The following LAT2 variants were observed in gnomAD, a reference collection of about 807,000 sequenced individuals.
LAT2 encodes linker for activation of T-cells family member 2.
In LAT2, 23 loss-of-function variants were observed where a neutral mutation model predicts 43.4. The observed-to-expected ratio is 0.53, with a 90% confidence interval of 0.38 to 0.75. The LOEUF (loss-of-function observed/expected upper bound fraction) is 0.75. Among genes scored for constraint, LAT2 ranks in the 30% least tolerant of loss-of-function variants. The probability of loss-of-function intolerance (pLI) is 0.00; values close to 1 mark genes in which losing one functional copy is unlikely to be tolerated. For synonymous variants in LAT2, 128 were observed against 123.2 expected (o/e 1.04, Z -0.26); for missense variants, 284 against 310.2 (o/e 0.92, Z 0.64).
intron 1 of LAT2, among the ~76,000 whole-genome samples, chr7:74,211,497 C>T (rs1478854886): frequency 1.3e-5 from 2 of 151,902 alleles, no homozygotes; most frequent in Non-Finnish European, 2.9e-5. Flanking sequence ...TGCTCTGTCT[C>T]CCAGGCTGGG....
intron 1 of LAT2, among the ~76,000 whole-genome samples, chr7:74,210,965 G>A (rs573689915): frequency 6.6e-6 from 1 of 152,174 alleles, no homozygotes; most frequent in African/African-American, 2.4e-5. Flanking sequence ...GGGTGGTCTC[G>A]AGCGTCCTTC....
chr7:74,216,156 CAGAAG>C (rs1324387080), intron 3 of LAT2, 87 bp downstream of exon 3: 2 of 1,150,726 alleles, frequency 1.7e-6, no homozygotes, highest in Admixed American at 2.4e-5. Context: ...TGGCTGTGGT[CAGAAG>C]AGGTGGTCAG....
chr7:74,221,596 GC>G, intron 9 of LAT2, 40 bp from the exon 10 acceptor site: 6 of 1,579,730 alleles, frequency 3.8e-6, no homozygotes, highest in Non-Finnish European at 5.2e-6. Context: ...CCGATCTCCA[GC>G]CTGCCCTGAA....
At position 74,216,857 on chromosome 7, in the gene LAT2, A is replaced by C. The variant is rs782127731; in HGVS notation, c.127A>C (p.Arg43=). The C allele has an allele frequency of 8.1e-6, 13 of 1,613,668 alleles. No homozygotes were observed. The African/African-American group carries it at 1.1e-4, about 13-fold the overall frequency. Residue 43 remains arginine, a synonymous_variant, in exon 4 of 14, where the codon AGA becomes CGA. Transcript: ENST00000460943. The part of the protein sequence containing the change: ...AKRSEKIYQQ[R]SLREDQQSFT... ...GAGGTCAGAGAAAATCTACCAGCAG[A>C]GAAGTCTGTGAGTTGCCTCGATGTC...
intron 13 of LAT2, among the ~76,000 whole-genome samples, chr7:74,228,707 T>A (rs529876975): frequency 6.7e-6 from 1 of 148,208 alleles, no homozygotes; most frequent in South Asian, 2.1e-4. Flanking sequence ...GAGAATGGCG[T>A]GAACCTGAGA....
rs1802064198 is a variant in LAT2, at chr7:74,216,813, C to A, written c.95-12C>A. The A allele has an allele frequency of 6.2e-7, 1 of 1,613,606 alleles. No homozygotes were observed. Among genetic ancestry groups the A allele is most frequent in the Non-Finnish European group, 8.5e-7 (1 of 1,179,622 alleles). On this transcript the variant is annotated splice_polypyrimidine_tract_variant and intron_variant, in intron 3 of 13. Transcript: ENST00000460943. Reference sequence around the variant, plus strand: ...TCCCAGACCCTTTGCTAATCCTGGCCTTTTCTTGCAGGTGCAAAGAGGTCA... The same window carrying A: ...TCCCAGACCCTTTGCTAATCCTGGCATTTTCTTGCAGGTGCAAAGAGGTCA...
intron 1 of LAT2, among the ~76,000 whole-genome samples, chr7:74,213,110 CATT>C (rs573884115): frequency 6.6e-6 from 1 of 151,752 alleles, no homozygotes; most frequent in Admixed American, 6.6e-5. Context: ...GGAGCTCCTC[CATT>C]ATTATTATTA....
chr7:74,213,753 G>T (rs1801825442), intron 1 of LAT2, among the ~76,000 whole-genome samples: 1 of 151,990 alleles, frequency 6.6e-6, no homozygotes, highest in South Asian at 2.1e-4. Flanking sequence ...CCTGTTTACT[G>T]CTCCAAGCCT....
Position 74,219,009 on chromosome 7 carries a change from CTTTTTTTTTTTTTTTTTTTTTT to C in LAT2, c.135-718_135-697del, listed in dbSNP as rs781806954. Among the ~76,000 whole-genome samples, 98 of 48,802 alleles carry C rather than the reference CTTTTTTTTTTTTTTTTTTTTTT, an allele frequency of 2.0e-3. 1 individual carries two copies. Among genetic ancestry groups the C allele is most frequent in the African/African-American group, 3.7e-3 (52 of 13,920 alleles). 32.0% of individuals were successfully genotyped at this position (48,802 alleles called of 152,430 possible). On this transcript the variant is annotated intron_variant, in intron 4 of 13. Coordinates refer to ENST00000460943, the MANE Select transcript of LAT2 (RefSeq NM_032464.3). ...CACCATGCCGGGTCTAGAGTGTGTGCTTTTTTTTTTTTTTTTTTTTTTTTTTTTTTTTTTTTTTGAGACGGAG... is the reference window on the plus strand; with the variant it reads ...CACCATGCCGGGTCTAGAGTGTGTGCTTTTTTTTTTTTTTTTGAGACGGAG...
chr7:74,221,388 C>T (rs546651150), intron 9 of LAT2, among the ~76,000 whole-genome samples: 22 of 133,718 alleles, frequency 1.6e-4, no homozygotes, highest in African/African-American at 6.5e-4. Context: ...GTACTCCAGC[C>T]TGGGTGACAG....
At chr7:74,221,855 G>C (rs1802296476) in intron 10 of LAT2, among the ~76,000 whole-genome samples, 163 bp downstream of exon 10, 1 of 151,764 alleles carries the variant, frequency 6.6e-6, no homozygotes, top group Non-Finnish European at 1.5e-5. Context: ...GGGCCAAGAA[G>C]GGATAGGGGG....
intron 9 of LAT2, among the ~76,000 whole-genome samples, chr7:74,221,410 CAAAAAAAAA>C (rs782694803): frequency 0.03 from 632 of 21,048 alleles, 13 homozygotes; most frequent in African/African-American, 0.073. Flanking sequence ...GACTCTGTCT[CAAAAAAAAA>C]AAAAAAAAAA....
At chr7:74,211,028 C>G (rs923208536) in intron 1 of LAT2, among the ~76,000 whole-genome samples, 6 of 152,112 alleles carry the variant, frequency 3.9e-5, no homozygotes, top group African/African-American at 7.2e-5. Flanking sequence ...AGAACTTCCC[C>G]GAAGCCAGCT....
chr7:74,218,558 G>T (rs1439824413), intron 4 of LAT2, among the ~76,000 whole-genome samples: 1 of 152,190 alleles, frequency 6.6e-6, no homozygotes, highest in African/African-American at 2.4e-5. Context: ...GGATACAAAG[G>T]GTGTCTCCCA....
At chr7:74,222,951 C>T (rs1802345844) in intron 10 of LAT2, among the ~76,000 whole-genome samples, 1 of 152,196 alleles carries the variant, frequency 6.6e-6, no homozygotes, top group Non-Finnish European at 1.5e-5. Flanking sequence ...CCAGCTTCCC[C>T]ATTACAAGGC....
Position 74,220,082 on chromosome 7 carries a change from ACCTC to A in LAT2, c.227+85_227+88del. 2.5e-6 allele frequency: 4 copies of A among 1,576,146 alleles called. No homozygotes were observed. Among genetic ancestry groups the A allele is most frequent in the African/African-American group, 1.4e-5 (1 of 73,622 alleles). On this transcript the variant is annotated intron_variant, in intron 6 of 13. Coordinates refer to ENST00000460943, the MANE Select transcript of LAT2 (RefSeq NM_032464.3). This position sits in a 1 kb window ranked among gnomAD's most constrained non-coding sequence, Gnocchi z 4.5. ...CCTCACCTGGTGAGCCCAGGTCAAGACCTCCCTCCCTCCCCGAGTCCCAGAGCTC... is the reference window on the plus strand; with the variant it reads ...CCTCACCTGGTGAGCCCAGGTCAAGACCTCCCTCCCCGAGTCCCAGAGCTC...
chr7:74,228,793 A>T (rs1212477381), intron 13 of LAT2, among the ~76,000 whole-genome samples, 151 bp from the exon 14 acceptor site: 6 of 152,184 alleles, frequency 3.9e-5, no homozygotes, highest in African/African-American at 7.2e-5. Context: ...CATCTCAAAA[A>T]AAAAAAAAGA....
At chr7:74,221,352 T>C (rs1279740286) in intron 9 of LAT2, among the ~76,000 whole-genome samples, 5 of 143,698 alleles carry the variant, frequency 3.5e-5, no homozygotes, top group African/African-American at 7.9e-5. Context: ...GAGGCTGAGG[T>C]TGCAGTGAGC....
At chr7:74,227,345 G>A (rs782434831) in intron 13 of LAT2, among the ~76,000 whole-genome samples, 1 of 151,868 alleles carries the variant, frequency 6.6e-6, no homozygotes, top group Non-Finnish European at 1.5e-5. Flanking sequence ...TCAGCCTCCC[G>A]AGTAGCTGGG....
Sources: gnomAD v4.1 joint callset for allele counts (sites outside exome capture counted in the v4.1 genomes callset) on GRCh38, gnomAD v4.1.1 for gene constraint, Gnocchi (gnomAD v3.1) non-coding constraint, MANE v1.5 for transcripts, NCBI Gene and HGNC (gene_info 2026-07-23, HGNC 2026-07-21) for gene names.